The following CATSPERT variants were observed in gnomAD, a reference collection of about 807,000 sequenced individuals.
The protein encoded by CATSPERT is cation channel sperm-associated targeting subunit tau.
chr2:201,508,645 G>A, the CATSPERT span, among the ~76,000 whole-genome samples: 1 of 152,198 alleles, frequency 6.6e-6, no homozygotes, highest in African/African-American at 2.4e-5. Context: ...TTGGGAGGCC[G>A]AGGTGGAAGG....
chr2:201,581,548 GTATATATA>G, the CATSPERT span, among the ~76,000 whole-genome samples: 118 of 9,646 alleles, frequency 0.012, 2 homozygotes, highest in Non-Finnish European at 0.013. Flanking sequence ...AAAAATGTGT[GTATATATA>G]TATATATATA....
At chr2:201,560,787 CT>C in the CATSPERT span, among the ~76,000 whole-genome samples, 205 of 144,818 alleles carry the variant, frequency 1.4e-3, no homozygotes, top group Non-Finnish European at 1.4e-3. Context: ...TGAAATCTCT[CT>C]TTTTTTTTTT....
At chr2:201,562,784 T>C in the CATSPERT span, among the ~76,000 whole-genome samples, 4 of 113,934 alleles carry the variant, frequency 3.5e-5, no homozygotes, top group Admixed American at 9.5e-5. Context: ...TTAATCCATT[T>C]AACCCTGAGT....
the CATSPERT span, among the ~76,000 whole-genome samples, chr2:201,541,531 T>TTTTATATATA: frequency 2.2e-5 from 2 of 92,768 alleles, no homozygotes; most frequent in Admixed American, 1.1e-4. Flanking sequence ...TCAGATGATT[T>TTTTATATATA]TATATATATA....
At chr2:201,528,926 C>G in the CATSPERT span, among the ~76,000 whole-genome samples, 2 of 151,828 alleles carry the variant, frequency 1.3e-5, no homozygotes, top group African/African-American at 2.4e-5. Flanking sequence ...TTGGAAGGAA[C>G]AAAACAACAA....
chr2:201,512,442 T>C, the CATSPERT span, among the ~76,000 whole-genome samples: 2 of 152,182 alleles, frequency 1.3e-5, no homozygotes, highest in Non-Finnish European at 2.9e-5. Flanking sequence ...ATTTCCTTCC[T>C]GCCCCCATCC....
chr2:201,591,350 C>T, the CATSPERT span, among the ~76,000 whole-genome samples: 1 of 152,058 alleles, frequency 6.6e-6, no homozygotes, highest in Non-Finnish European at 1.5e-5. Flanking sequence ...CTATATCTCT[C>T]TTTTGGTACC....
chr2:201,493,253 A>G, the CATSPERT span: 19 of 1,536,702 alleles, frequency 1.2e-5, no homozygotes, highest in African/African-American at 1.2e-4. Context: ...CTTGGCAAAT[A>G]CAGTTCTTTA....
chr2:201,493,328 C>T, the CATSPERT span: 1 of 1,536,716 alleles, frequency 6.5e-7, no homozygotes, highest in African/African-American at 1.4e-5. Flanking sequence ...ATAAATTCAG[C>T]TCTACTAACA....
chr2:201,605,221 A>C, the CATSPERT span, among the ~76,000 whole-genome samples: 1,594 of 152,244 alleles, frequency 0.01, 5 homozygotes, highest in Middle Eastern at 0.017. Flanking sequence ...AGGGAACACA[A>C]AAGGAAGCAC....
chr2:201,582,156 T>C, the CATSPERT span: 3 of 1,610,722 alleles, frequency 1.9e-6, no homozygotes, highest in Non-Finnish European at 2.5e-6. Flanking sequence ...TTTTTCTCTA[T>C]TGTCATATTG....
the CATSPERT span, among the ~76,000 whole-genome samples, chr2:201,593,724 A>T: frequency 4.7e-5 from 7 of 150,172 alleles, no homozygotes; most frequent in Non-Finnish European, 7.4e-5. Context: ...TCCCTTTACC[A>T]TTATGTAATG....
At chr2:201,563,410 C>CGG in the CATSPERT span, among the ~76,000 whole-genome samples, 2 of 102,526 alleles carry the variant, frequency 2.0e-5, no homozygotes, top group African/African-American at 3.4e-5. Context: ...GCTGGCCGGG[C>CGG]GGGGGGCTGA....
chr2:201,616,907 A>G, the CATSPERT span, among the ~76,000 whole-genome samples: 4 of 152,218 alleles, frequency 2.6e-5, no homozygotes, highest in Non-Finnish European at 5.9e-5. Context: ...ATTCCTATAC[A>G]CCAATAACAG....
chr2:201,501,320 A>G, the CATSPERT span, among the ~76,000 whole-genome samples: 1 of 140,580 alleles, frequency 7.1e-6, no homozygotes, highest in Admixed American at 8.0e-5. Flanking sequence ...GCTTGAACCC[A>G]GGAGGTGGAG....
At chr2:201,581,011 GA>G in the CATSPERT span, among the ~76,000 whole-genome samples, 2 of 152,138 alleles carry the variant, frequency 1.3e-5, no homozygotes, top group Non-Finnish European at 2.9e-5. Context: ...AGACATTTCA[GA>G]AACATAATAA....
At chr2:201,492,914 ACT>A in the CATSPERT span, 12 of 1,536,486 alleles carry the variant, frequency 7.8e-6, no homozygotes, top group Non-Finnish European at 1.0e-5. Flanking sequence ...TTTACTTCTG[ACT>A]CTGAGAGTTC....
At chr2:201,601,765 C>T in the CATSPERT span, 20 of 1,611,014 alleles carry the variant, frequency 1.2e-5, no homozygotes, top group Admixed American at 1.0e-4. Flanking sequence ...TTCACTTCAT[C>T]GAACTTAATT....
At chr2:201,619,158 C>G in the CATSPERT span, 1 of 1,610,540 alleles carries the variant, frequency 6.2e-7, no homozygotes, top group Non-Finnish European at 8.5e-7. Context: ...CCTGTCTGCG[C>G]CCAACCGACG....
Sources: gnomAD v4.1 joint callset for allele counts (sites outside exome capture counted in the v4.1 genomes callset) on GRCh38, gnomAD v4.1.1 for gene constraint, MANE v1.5 for transcripts, NCBI Gene and HGNC (gene_info 2026-07-23, HGNC 2026-07-21) for gene names.